Variants in IARS1 observed in about 807,000 individuals in gnomAD.
The protein encoded by IARS1 is isoleucine--tRNA ligase, cytoplasmic.
A neutral mutation model predicts 168.2 loss-of-function variants in IARS1; 124 were observed. The ratio of observed to expected loss-of-function variants is 0.74; its 90% CI spans 0.64 to 0.86. The LOEUF (loss-of-function observed/expected upper bound fraction) is 0.86. IARS1 is among the 40% of genes least tolerant of loss of function. IARS1 has a pLI of 0.00. For synonymous variants in IARS1, 532 were observed against 529.4 expected (o/e 1.00, Z -0.07); for missense variants, 1,452 against 1,515.8 (o/e 0.96, Z 0.70).
intron 4 of IARS1, 188 bp downstream of exon 4, chr9:92,287,603 A>G: frequency 2.0e-6 from 1 of 506,932 alleles, no homozygotes; most frequent in Non-Finnish European, 3.3e-6. Flanking sequence ...CCAATTAAGC[A>G]CACAGAAGTC....
Position 92,228,981 on chromosome 9 carries a change from T to G in IARS1, c.3409+20A>C. On this transcript the variant is annotated intron_variant, in intron 31 of 33. Transcript: ENST00000443024. ...CCATCTTGAGTCAAAGGACGTAGGC[T>G]CCTCTCACTTTCCACATACCTGTTT... is the stretch of plus-strand genomic sequence containing the variant. The G allele has an allele frequency of 1.2e-6, 2 of 1,613,628 alleles. No homozygotes were observed. Among genetic ancestry groups the G allele is most frequent in the Non-Finnish European group, 1.7e-6 (2 of 1,179,900 alleles).
At chr9:92,259,167 A>G (rs1761449049) in intron 18 of IARS1, among the ~76,000 whole-genome samples, 169 bp from the exon 19 acceptor site, 1 of 152,232 alleles carries the variant, frequency 6.6e-6, no homozygotes, top group African/African-American at 2.4e-5. Context: ...ACTCACTCTC[A>G]CTTTCTATAA....
intron 31 of IARS1, among the ~76,000 whole-genome samples, chr9:92,227,445 C>CA (rs1825898936): frequency 7.0e-6 from 1 of 143,552 alleles, no homozygotes; most frequent in African/African-American, 2.6e-5. Flanking sequence ...CTGACCCCCC[C>CA]ACCTCCCTCC....
At position 92,288,216 on chromosome 9, in the gene IARS1, A is replaced by T; in HGVS notation, c.186T>A (p.Gly62=). Reference sequence around the variant, plus strand: ...ATCTTGTAACTATATCTTTAATTGTACCCGCAAGTATATGTCCATAGTGAG... The same window carrying T: ...ATCTTGTAACTATATCTTTAATTGTTCCCGCAAGTATATGTCCATAGTGAG... ...GLPHYGHILA[G]TIKDIVTRYA... is the part of the protein sequence containing the mutation. Residue 62 remains glycine (G), a synonymous_variant, in exon 3 of 34, where the codon GGT becomes GGA. Transcript: ENST00000443024. 1 of 1,613,998 alleles carries T rather than the reference A, an allele frequency of 6.2e-7. No homozygotes were observed. The highest frequency in any genetic ancestry group is 8.5e-7 in the Non-Finnish European group (1 of 1,179,890).
rs1320112747 is a variant in IARS1, at chr9:92,287,687, C to CA, written c.396+103dup. 6 of 1,288,656 alleles carry CA rather than the reference C, an allele frequency of 4.7e-6. No individual in the cohort carries two copies. In the East Asian group the frequency reaches 1.2e-4, roughly 27 times the overall value. The allele number at this position is 1,288,656 out of a possible 1,614,324, so 79.8% of individuals were successfully genotyped here. On this transcript the variant is annotated intron_variant, in intron 4 of 33. Transcript: ENST00000443024. ...AAGGTGGAAGCTAACACTTTTTCTACAAAAAATAAATTAATAAAAAAAGCA... is the reference window on the plus strand; with the variant it reads ...AAGGTGGAAGCTAACACTTTTTCTACAAAAAAATAAATTAATAAAAAAAGCA...
chr9:92,252,407 T>C (rs776997765), intron 21 of IARS1: 5 of 515,584 alleles, frequency 9.7e-6, no homozygotes, highest in Non-Finnish European at 1.9e-5. Context: ...GATACGTGTG[T>C]GTGAGATACA....
intron 13 of IARS1, 105 bp from the exon 14 acceptor site, chr9:92,268,405 C>T: frequency 8.7e-7 from 1 of 1,147,330 alleles, no homozygotes; most frequent in East Asian, 2.5e-5. Flanking sequence ...GGACCAAACA[C>T]TCTGGAAACG....
At chr9:92,242,581 T>C (rs934260375) in intron 28 of IARS1, 8 of 450,958 alleles carry the variant, frequency 1.8e-5, no homozygotes, top group East Asian at 1.5e-4. Flanking sequence ...CTCATGAATG[T>C]TGAAACCAAG....
chr9:92,277,273 C>T (rs1255686557), intron 9 of IARS1, among the ~76,000 whole-genome samples: 3 of 152,090 alleles, frequency 2.0e-5, no homozygotes, highest in African/African-American at 7.2e-5. Flanking sequence ...CCCATCTCTA[C>T]TAAAAAGTAC....
intron 7 of IARS1, among the ~76,000 whole-genome samples, chr9:92,280,371 C>T (rs1434970752): frequency 6.6e-6 from 1 of 152,172 alleles, no homozygotes; most frequent in Non-Finnish European, 1.5e-5. Flanking sequence ...AGACTGGTAA[C>T]TCTCTACCAG....
At chr9:92,293,540 G>C (rs1836742322) in intron 1 of IARS1, 71 bp downstream of exon 1, 1 of 512,420 alleles carries the variant, frequency 2.0e-6, no homozygotes, top group African/African-American at 2.0e-5. Flanking sequence ...TTGTGCTACT[G>C]TTTCGGGGTT....
At position 92,293,568 on chromosome 9, in the gene IARS1, C is replaced by T. The variant is rs16908264; in HGVS notation, c.-8+43G>A. The T allele has an allele frequency of 4.4e-3, 2,025 of 459,108 alleles. 52 individuals are homozygous for T. Among genetic ancestry groups the T allele is most frequent in the African/African-American group, 0.038 (1,861 of 49,230 alleles). The allele number at this position is 459,108 out of a possible 1,614,324, so 28.4% of individuals were successfully genotyped here. A position where few individuals can be genotyped will look rare whatever the true frequency, so the allele number is the denominator to read the frequency against. ...TCGGGGTTGTAACGCGTGCGTGACC[C>T]TCGTCTTTGAGGGCCGGATCCTGCA... On this transcript the variant is annotated intron_variant, in intron 1 of 33. Coordinates refer to ENST00000443024, the MANE Select transcript of IARS1 (RefSeq NM_002161.6).
intron 26 of IARS1, among the ~76,000 whole-genome samples, chr9:92,245,879 G>A (rs577493230): frequency 6.6e-6 from 1 of 151,928 alleles, no homozygotes; most frequent in Non-Finnish European, 1.5e-5. Context: ...CCATTCCCCG[G>A]CCTCAGTCTC....
chr9:92,264,603 C>CA (rs1248435172), intron 16 of IARS1, among the ~76,000 whole-genome samples: 1 of 152,160 alleles, frequency 6.6e-6, no homozygotes, highest in African/African-American at 2.4e-5. Flanking sequence ...TGCAAATACT[C>CA]AAACATTTGA....
intron 25 of IARS1, among the ~76,000 whole-genome samples, chr9:92,248,056 T>C (rs1341629223): frequency 6.6e-6 from 1 of 152,212 alleles, no homozygotes; most frequent in Non-Finnish European, 1.5e-5. Flanking sequence ...AAATGCTTGT[T>C]ATGAAGATCT....
At chr9:92,262,922 A>C (rs1831734191) in intron 17 of IARS1, 47 bp downstream of exon 17, 1 of 1,362,812 alleles carries the variant, frequency 7.3e-7, no homozygotes, top group Non-Finnish European at 1.1e-6. Context: ...TTCTTAAGAA[A>C]CAGTGGAGAC....
Position 92,256,873 on chromosome 9 carries a change from A to G in IARS1, c.2017-73T>C, listed in dbSNP as rs1587815989. 3 of 1,418,208 alleles carry G rather than the reference A, an allele frequency of 2.1e-6. No individual in the cohort carries two copies. The East Asian group carries it at 7.0e-5, about 33-fold the overall frequency. The allele number at this position is 1,418,208 out of a possible 1,614,324, so 87.9% of individuals were successfully genotyped here. The stretch of plus-strand genomic sequence containing the variant: ...TACTATGAGGAAATAAACTTCTTAA[A>G]TCACTTAAACAAAAACAAAAAGAAA... On this transcript the variant is annotated intron_variant, in intron 19 of 33. Transcript: ENST00000443024.
Position 92,240,933 on chromosome 9 carries a change from AGT to A in IARS1, c.3204_3205del (p.Leu1069HisfsTer17). ...ACCAGGAAGGGAAGATCCTCTGGTG[AGT>A]GTAATTTCCAGTTCAGATCCCTTCA... is the stretch of plus-strand genomic sequence containing the variant. On this transcript the variant is annotated frameshift_variant, in exon 30 of 34. Transcript: ENST00000443024. LOFTEE classifies it high-confidence loss of function. The A allele has an allele frequency of 6.2e-7, 1 of 1,613,022 alleles. No homozygotes were observed. Among genetic ancestry groups the A allele is most frequent in the East Asian group, 2.2e-5 (1 of 44,846 alleles).
At position 92,274,416 on chromosome 9, in the gene IARS1, T is replaced by C. The variant is rs752568855; in HGVS notation, c.990+10A>G. 1.9e-6 allele frequency: 3 copies of C among 1,604,014 alleles called. No individual in the cohort carries two copies. Among genetic ancestry groups the C allele is most frequent in the South Asian group, 1.1e-5 (1 of 90,904 alleles). ...TACTCAAATACATTTGCCAGACTTA[T>C]GCTACTCACAGCACCGAAGTAAGGA... On this transcript the variant is annotated intron_variant, in intron 10 of 33. Transcript: ENST00000443024.
Sources: gnomAD v4.1 joint callset for allele counts (sites outside exome capture counted in the v4.1 genomes callset) on GRCh38, gnomAD v4.1.1 for gene constraint, MANE v1.5 for transcripts, NCBI Gene and HGNC (gene_info 2026-07-23, HGNC 2026-07-21) for gene names.